AMOTL1: variants seen among roughly 807,000 people sequenced by gnomAD.
AMOTL1 encodes the protein angiomotin-like protein 1.
Under a neutral mutation model 102.9 loss-of-function variants are expected in AMOTL1, and 45 were observed. That is an observed-to-expected ratio of 0.44 (90% CI 0.34 to 0.56). AMOTL1 has a LOEUF of 0.56. AMOTL1 is among the 20% of genes least tolerant of loss of function. AMOTL1 has a pLI of 0.01. For synonymous variants in AMOTL1, 481 were observed against 484.7 expected (o/e 0.99, Z 0.10); for missense variants, 1,114 against 1,225.6 (o/e 0.91, Z 1.36).
At chr11:94,831,772 C>T (rs904271820) in intron 6 of AMOTL1, among the ~76,000 whole-genome samples, 1 of 151,328 alleles carries the variant, frequency 6.6e-6, no homozygotes, top group Non-Finnish European at 1.5e-5. Context: ...CCTACAGTTT[C>T]TCTCTCTCTC....
intron 6 of AMOTL1, among the ~76,000 whole-genome samples, chr11:94,843,075 A>T (rs956699756): frequency 5.3e-5 from 8 of 152,204 alleles, no homozygotes; most frequent in Non-Finnish European, 1.5e-5. Context: ...GGACAGCAGA[A>T]AGCTGAAGAC....
At chr11:94,760,665 C>A (rs1950780785) in intron 3 of AMOTL1, among the ~76,000 whole-genome samples, 1 of 152,220 alleles carries the variant, frequency 6.6e-6, no homozygotes. Context: ...TAATTGTTAA[C>A]CCCTCTGTTA....
At position 94,830,279 on chromosome 11, in the gene AMOTL1, T is replaced by C. The variant is rs139712732; in HGVS notation, c.1558+85T>C. ...GCACGACTTCAAGGCCAGAGTGCTT[T>C]GCCACAGGTACTGGTCTACCTGTGT... On this transcript the variant is annotated intron_variant, in intron 5 of 12. Transcript: ENST00000433060. The C allele has an allele frequency of 8.4e-6, 11 of 1,316,896 alleles. 1 individual carries two copies. The highest frequency in any genetic ancestry group is 3.8e-4 in the Middle Eastern group (2 of 5,282). The allele number at this position is 1,316,896 out of a possible 1,614,324, so 81.6% of individuals were successfully genotyped here.
intron 1 of AMOTL1, chr11:94,728,788 GACA>G: frequency 2.7e-6 from 1 of 376,046 alleles, no homozygotes; most frequent in Non-Finnish European, 4.8e-6. Flanking sequence ...CCCAAATCTA[GACA>G]ACGAGCTTTG....
chr11:94,750,801 C>G (rs1403045570), intron 3 of AMOTL1, among the ~76,000 whole-genome samples: 2 of 152,200 alleles, frequency 1.3e-5, no homozygotes, highest in Non-Finnish European at 2.9e-5. Context: ...CCTATTCCAA[C>G]AAAACAATCA....
chr11:94,853,590 T>A (rs913012086), intron 7 of AMOTL1, among the ~76,000 whole-genome samples: 1 of 152,222 alleles, frequency 6.6e-6, no homozygotes. Context: ...GCAATAAACA[T>A]ACGTGCAAAA....
Position 94,875,238 on chromosome 11 carries a change from C to T in AMOTL1, c.*4443C>T, listed in dbSNP as rs940814305. ...GATAGGCAAAGTAATTAAGAAGTTACCAGAAATTGGTCGGCTGGGGAAATG... is the reference window on the plus strand; with the variant it reads ...GATAGGCAAAGTAATTAAGAAGTTATCAGAAATTGGTCGGCTGGGGAAATG... On this transcript the variant is annotated 3_prime_UTR_variant, in exon 13 of 13. Coordinates refer to ENST00000433060, the MANE Select transcript of AMOTL1 (RefSeq NM_130847.3). 1 of 152,178 alleles carries T rather than the reference C, an allele frequency of 6.6e-6. No individual in the cohort carries two copies. Among genetic ancestry groups the T allele is most frequent in the African/African-American group, 2.4e-5 (1 of 41,444 alleles). 9.4% of individuals were successfully genotyped at this position (152,178 alleles called of 1,614,324 possible).
intron 3 of AMOTL1, among the ~76,000 whole-genome samples, chr11:94,742,606 T>TA (rs141166965): frequency 6.6e-6 from 1 of 152,152 alleles, no homozygotes; most frequent in African/African-American, 2.4e-5. Context: ...CAGTAGAAAA[T>TA]AAAAAACAAT....
rs79737520 is a variant in AMOTL1, at chr11:94,719,734, C to T, written c.-50-9187C>T. 4.2e-3 allele frequency among the ~76,000 whole-genome samples: 641 copies of T among 152,144 alleles called. 3 individuals are homozygous for T. The highest frequency in any genetic ancestry group is 0.015 in the African/African-American group (621 of 41,522). On this transcript the variant is annotated intron_variant, in intron 1 of 4. Transcript: ENST00000299004. ...TCTCACTTTGGATAATTCCTCACTA[C>T]GTATTCTTTAAAAAAAATAAGTACG...
In AMOTL1 at chr11:94,821,726, C is replaced by G. The variant is rs942514348; in HGVS notation, c.1318C>G (p.Arg440Gly). 3.7e-6 allele frequency: 6 copies of G among 1,613,888 alleles called. No homozygotes were observed. The highest frequency in any genetic ancestry group is 4.2e-6 in the Non-Finnish European group (5 of 1,179,908). The change falls in exon 4 of 13, where the codon CGA becomes GGA. Residue 440 changes from arginine (R) to glycine (G), a missense_variant. By Grantham distance (125) the Arg-to-Gly change is moderately radical (BLOSUM62 -2). Coordinates refer to ENST00000433060, the MANE Select transcript of AMOTL1 (RefSeq NM_130847.3). ...TCCAGATGCCTTTGCGATTGTGGAG[C>G]GAGCCCAGCAAATGGTGGAGATATT... ...LGPDAFAIVE[R>G]AQQMVEILTE...
chr11:94,767,786 G>A (rs572959141), upstream of AMOTL1, among the ~76,000 whole-genome samples: 1 of 151,952 alleles, frequency 6.6e-6, no homozygotes, highest in Admixed American at 6.6e-5. Context: ...GGGATTTATG[G>A]CCAGAGGATG....
At chr11:94,806,472 C>T (rs768469171) in intron 3 of AMOTL1, among the ~76,000 whole-genome samples, 4 of 152,134 alleles carry the variant, frequency 2.6e-5, no homozygotes, top group African/African-American at 7.2e-5. Flanking sequence ...AAAAGGTAAG[C>T]CAGACCCATG....
intron 3 of AMOTL1, among the ~76,000 whole-genome samples, chr11:94,757,334 T>C: frequency 6.6e-6 from 1 of 152,156 alleles, no homozygotes; most frequent in East Asian, 1.9e-4. Context: ...TGGATACTAT[T>C]GTAACCACCG....
At chr11:94,715,449 G>A (rs1387638481) in intron 1 of AMOTL1, among the ~76,000 whole-genome samples, 2 of 152,074 alleles carry the variant, frequency 1.3e-5, no homozygotes, top group African/African-American at 2.4e-5. Flanking sequence ...GGGATTATAG[G>A]TGTGACTCAC....
chr11:94,798,912 T>C (rs183692140), intron 2 of AMOTL1, among the ~76,000 whole-genome samples: 1 of 152,122 alleles, frequency 6.6e-6, no homozygotes, highest in Admixed American at 6.5e-5. Flanking sequence ...GGTTAGTGGA[T>C]GGAGCATTTG....
At chr11:94,837,736 A>G (rs7127136) in intron 6 of AMOTL1, among the ~76,000 whole-genome samples, 1 of 152,082 alleles carries the variant, frequency 6.6e-6, no homozygotes, top group Non-Finnish European at 1.5e-5. Flanking sequence ...AGAAGTGCCT[A>G]TTGGTCATGT....
At chr11:94,719,440 A>G (rs80004559) in intron 1 of AMOTL1, among the ~76,000 whole-genome samples, 79 of 152,196 alleles carry the variant, frequency 5.2e-4, no homozygotes, top group African/African-American at 1.8e-3. Context: ...AATGCATACA[A>G]TCTATATACA....
intron 6 of AMOTL1, among the ~76,000 whole-genome samples, chr11:94,839,833 C>A (rs1009265261): frequency 6.6e-6 from 1 of 152,148 alleles, no homozygotes; most frequent in Admixed American, 6.6e-5. Context: ...AGTTTTTATA[C>A]TAGAAAATTT....
chr11:94,734,737 G>A (rs1950410704), intron 2 of AMOTL1, among the ~76,000 whole-genome samples: 1 of 152,164 alleles, frequency 6.6e-6, no homozygotes. Flanking sequence ...CCAGGAGAGA[G>A]AAGGCTACCT....
Sources: allele counts gnomAD v4.1 joint callset (sites outside exome capture counted in the v4.1 genomes callset), GRCh38; gene constraint gnomAD v4.1.1; transcripts MANE v1.5; gene names NCBI Gene and HGNC (gene_info 2026-07-23, HGNC 2026-07-21).